Variants in LARGE1 observed in about 807,000 individuals in gnomAD.
LARGE1 encodes xylosyl- and glucuronyltransferase LARGE1.
A neutral mutation model predicts 87.6 loss-of-function variants in LARGE1; 43 were observed. The ratio of observed to expected loss-of-function variants is 0.49; its 90% CI spans 0.38 to 0.63. LARGE1 has a LOEUF of 0.63. Among genes scored for constraint, LARGE1 ranks in the 30% least tolerant of loss-of-function variants. The pLI is 0.00. For missense variants in LARGE1, 802 were observed against 1,000.2 expected, an observed-to-expected ratio of 0.80 and a Z score of 2.67; for synonymous variants, 434 against 394.6, an observed-to-expected ratio of 1.10 and a Z score of -1.18.
chr22:33,832,459 T>C (rs2062998028), intron 1 of LARGE1, among the ~76,000 whole-genome samples: 1 of 151,836 alleles, frequency 6.6e-6, no homozygotes, highest in African/African-American at 2.4e-5. Context: ...ACACTGTCAG[T>C]GTTAAGGGAC....
At chr22:33,757,035 T>C (rs754692980) in intron 2 of LARGE1, among the ~76,000 whole-genome samples, 8 of 151,826 alleles carry the variant, frequency 5.3e-5, no homozygotes, top group Non-Finnish European at 1.2e-4. Flanking sequence ...AAGCAAGGAG[T>C]TGGGTTTAAG....
intron 3 of LARGE1, among the ~76,000 whole-genome samples, chr22:33,646,830 C>T (rs113900435): frequency 0.018 from 2,708 of 152,306 alleles, 81 homozygotes; most frequent in African/African-American, 0.062. Flanking sequence ...CAGGTTCAAA[C>T]GATTCTCCTG....
At chr22:33,108,404 G>A in the LARGE1 span, 3 of 147,200 alleles carry the variant, frequency 2.0e-5, no homozygotes, top group African/African-American at 7.3e-5. Context: ...CCAGGGCATA[G>A]AAGAAGGAGT....
intron 2 of LARGE1, among the ~76,000 whole-genome samples, chr22:33,689,768 TA>T (rs11303710): frequency 0.9 from 136,963 of 151,610 alleles, 62,042 homozygotes; most frequent in Middle Eastern, 0.98. Context: ...CTACTAAAGA[TA>T]AAAAAAAATT....
intron 3 of LARGE1, among the ~76,000 whole-genome samples, chr22:33,627,512 T>A (rs1481199808): frequency 3.9e-5 from 6 of 152,192 alleles, no homozygotes; most frequent in Admixed American, 3.3e-4. Flanking sequence ...AGAGATGCCT[T>A]TTCTTTTCCA....
chr22:33,133,106 A>C, the LARGE1 span, among the ~76,000 whole-genome samples: 1 of 152,236 alleles, frequency 6.6e-6, no homozygotes, highest in East Asian at 1.9e-4. Flanking sequence ...ATAGTAAAAA[A>C]ATATTTCAGG....
At chr22:33,922,051 C>A (rs917196686), upstream of LARGE1, among the ~76,000 whole-genome samples, 10 of 152,052 alleles carry the variant, frequency 6.6e-5, no homozygotes, top group African/African-American at 2.4e-4. Context: ...CTTCTGGGGT[C>A]CCCTTCCCCC....
chr22:33,179,956 G>C (rs73164384), intron 11 of LARGE1, among the ~76,000 whole-genome samples: 2 of 152,144 alleles, frequency 1.3e-5, no homozygotes. Context: ...TTTGTGAATG[G>C]GAGTAAGGCC....
intron 9 of LARGE1, among the ~76,000 whole-genome samples, chr22:33,354,415 G>A (rs1361878002): frequency 6.6e-6 from 1 of 152,148 alleles, no homozygotes; most frequent in Non-Finnish European, 1.5e-5. Flanking sequence ...AACTTCAAGT[G>A]AAATTATATA....
intron 2 of LARGE1, among the ~76,000 whole-genome samples, chr22:33,728,021 G>A (rs1601438715): frequency 6.6e-6 from 1 of 152,242 alleles, no homozygotes; most frequent in Middle Eastern, 3.4e-3. Flanking sequence ...AAGGCCAAGT[G>A]TCCATATAAA....
chr22:33,665,139 G>T (rs1012715786), intron 2 of LARGE1, among the ~76,000 whole-genome samples: 9 of 152,186 alleles, frequency 5.9e-5, no homozygotes, highest in African/African-American at 2.2e-4. Context: ...CTTCAGAGCA[G>T]CATCTGTAAG....
At chr22:33,123,322 T>G in the LARGE1 span, among the ~76,000 whole-genome samples, 1 of 152,208 alleles carries the variant, frequency 6.6e-6, no homozygotes, top group Non-Finnish European at 1.5e-5. Context: ...TAGGCCAAAT[T>G]TGTTGATTCC....
rs140706232 is a variant in LARGE1, at chr22:33,730,595, A to G, written c.106+30776T>C. 3.6e-4 allele frequency among the ~76,000 whole-genome samples: 55 copies of G among 152,346 alleles called. 1 individual carries two copies. The highest frequency in any genetic ancestry group is 1.2e-3 in the African/African-American group (49 of 41,586). ...GTCAACTGTAATATGACTGTATTAT[A>G]CAACATATTAAAAAGTGGTAAGGAG... is the stretch of plus-strand genomic sequence containing the variant. On this transcript the variant is annotated intron_variant, in intron 2 of 14. Coordinates refer to ENST00000397394, the MANE Select transcript of LARGE1 (RefSeq NM_133642.5).
chr22:33,312,007 A>T lies in LARGE1; in HGVS notation c.1451+4078T>A, dbSNP rs913773661. 4.5e-4 allele frequency among the ~76,000 whole-genome samples: 69 copies of T among 152,088 alleles called. 3 individuals are homozygous for T. Among genetic ancestry groups the T allele is most frequent in the African/African-American group, 2.4e-5 (1 of 41,410 alleles). ...GTCTAGTGCCTTTTTACCCAATATC[A>T]CAAATATTAAGATTCTGGTCAACAG... On this transcript the variant is annotated intron_variant, in intron 11 of 14. Coordinates refer to ENST00000397394, the MANE Select transcript of LARGE1 (RefSeq NM_133642.5).
chr22:33,430,083 G>T (rs2067023685), intron 7 of LARGE1, among the ~76,000 whole-genome samples: 2 of 152,160 alleles, frequency 1.3e-5, no homozygotes, highest in South Asian at 4.1e-4. Flanking sequence ...CTCCATTGTT[G>T]AAAAGTGTTT....
the LARGE1 span, among the ~76,000 whole-genome samples, chr22:33,096,572 T>G: frequency 9.1e-4 from 129 of 142,324 alleles, 1 homozygote; most frequent in Non-Finnish European, 1.3e-3. Flanking sequence ...TTTTGTTTTT[T>G]TTTTTTTTTT....
At chr22:33,203,167 C>CAGCG (rs1924498601) in intron 11 of LARGE1, among the ~76,000 whole-genome samples, 1 of 142,248 alleles carries the variant, frequency 7.0e-6, no homozygotes, top group South Asian at 2.3e-4. Flanking sequence ...GACAGACAGA[C>CAGCG]AGAGAGAGGC....
intron 11 of LARGE1, among the ~76,000 whole-genome samples, chr22:33,314,639 C>T (rs1442988872): frequency 1.3e-5 from 2 of 152,172 alleles, no homozygotes; most frequent in Non-Finnish European, 1.5e-5. Flanking sequence ...TGGAATCTCA[C>T]CCATAGGCTG....
intron 11 of LARGE1, among the ~76,000 whole-genome samples, chr22:33,174,825 A>AT (rs1922775187): frequency 6.6e-6 from 1 of 152,180 alleles, no homozygotes; most frequent in Non-Finnish European, 1.5e-5. Flanking sequence ...ACTAATAGCA[A>AT]GTTCTGAAAT....
Sources: gnomAD v4.1 joint callset for allele counts (sites outside exome capture counted in the v4.1 genomes callset) on GRCh38, gnomAD v4.1.1 for gene constraint, MANE v1.5 for transcripts, NCBI Gene and HGNC (gene_info 2026-07-23, HGNC 2026-07-21) for gene names.